Variants in KLF14 observed in about 807,000 individuals in gnomAD.
KLF14 encodes Krueppel-like factor 14.
A neutral mutation model predicts 16.2 loss-of-function variants in KLF14; 13 were observed. The ratio of observed to expected loss-of-function variants is 0.80; its 90% CI spans 0.52 to 1.28. The LOEUF is 1.28. KLF14 is among the 50% of genes most tolerant of loss of function. KLF14 has a pLI of 0.00. For synonymous variants in KLF14, 276 were observed against 233.7 expected (o/e 1.18, Z -1.65); for missense variants, 571 against 493.4 (o/e 1.16, Z -1.49).
At position 130,732,662 on chromosome 7, in the gene KLF14, A is replaced by G. The variant is rs1234441767; in HGVS notation, c.*400T>C. The G allele has an allele frequency of 5.6e-6, 1 of 178,812 alleles. No individual in the cohort carries two copies. The highest frequency in any genetic ancestry group is 1.2e-5 in the Non-Finnish European group (1 of 85,442). 11.1% of individuals were successfully genotyped at this position (178,812 alleles called of 1,614,324 possible). ...GACTGCCACCCCTGACACCCTCTCC[A>G]AGGTCCGCCCTGGTGGATGGGTGAG... is the stretch of plus-strand genomic sequence containing the variant. On this transcript the variant is annotated 3_prime_UTR_variant, in exon 1 of 1. Transcript: ENST00000583337.
rs782350100 is a variant in KLF14, at chr7:130,733,897, G to A, written c.137C>T (p.Ala46Val). The change falls in exon 1 of 1, where the codon GCG becomes GTG. Residue 46 changes from alanine (A) to valine (V), a missense_variant. By Grantham distance (64) the Ala-to-Val change is moderately conservative (BLOSUM62 0). Transcript: ENST00000583337. The surrounding 1 kb of genome is among the most constrained non-coding windows in gnomAD (Gnocchi z 5.2). The stretch of plus-strand genomic sequence containing the variant: ...ACCCGGCAGAGCGGACTCCGGCGGC[G>A]CCGCACCCACCTCCGAGCCAGCGGC... ...GGAAGSEVGA[A>V]PPESALPGPG... The A allele has an allele frequency of 3.7e-6, 5 of 1,343,036 alleles. 1 individual carries two copies. The highest frequency in any genetic ancestry group is 4.8e-6 in the Non-Finnish European group (5 of 1,049,426). The allele number at this position is 1,343,036 out of a possible 1,614,324, so 83.2% of individuals were successfully genotyped here.
Position 130,732,921 on chromosome 7 carries a change from T to C in KLF14, c.*141A>G. 1.8e-6 allele frequency: 2 copies of C among 1,096,656 alleles called. 1 individual carries two copies. Among genetic ancestry groups the C allele is most frequent in the South Asian group, 3.4e-5 (2 of 58,852 alleles). 67.9% of individuals were successfully genotyped at this position (1,096,656 alleles called of 1,614,324 possible). ...AGTACCTCCCCAGAGTCCACATGTC[T>C]GCCTGGACCCACCCTCAGAGCAGAG... On this transcript the variant is annotated 3_prime_UTR_variant, in exon 1 of 1. Coordinates refer to ENST00000583337, the MANE Select transcript of KLF14 (RefSeq NM_138693.4).
At position 130,734,097 on chromosome 7, in the gene KLF14, C is replaced by G; in HGVS notation, c.-64G>C. On this transcript the variant is annotated 5_prime_UTR_variant, in exon 1 of 1. Coordinates refer to ENST00000583337, the MANE Select transcript of KLF14 (RefSeq NM_138693.4). The surrounding 1 kb of genome is among the most constrained non-coding windows in gnomAD (Gnocchi z 4.4). ...GCGGCCGGCCGCGGGCGACGGAGTT[C>G]CCGGGAGCGTCCGTCCCGCAGCCTC... is the stretch of plus-strand genomic sequence containing the variant. The G allele has an allele frequency of 2.0e-6, 2 of 1,009,456 alleles. No homozygotes were observed. Among genetic ancestry groups the G allele is most frequent in the Non-Finnish European group, 2.5e-6 (2 of 808,880 alleles). 62.5% of individuals were successfully genotyped at this position (1,009,456 alleles called of 1,614,324 possible).
In KLF14 at chr7:130,734,164, T is replaced by TGCTGCC. The variant is rs1797261707; in HGVS notation, c.-137_-132dup. 1 of 385,212 alleles carries TGCTGCC rather than the reference T, an allele frequency of 2.6e-6. No homozygotes were observed. Among genetic ancestry groups the TGCTGCC allele is most frequent in the Non-Finnish European group, 3.6e-6 (1 of 275,016 alleles). The allele number at this position is 385,212 out of a possible 1,614,324, so 23.9% of individuals were successfully genotyped here. ...GGCCGGGTGCTCGCCGCCTGCCGCCTGCTGCCGCCGCCGCCGCCGCAGCCG... is the reference window on the plus strand; with the variant it reads ...GGCCGGGTGCTCGCCGCCTGCCGCCTGCTGCCGCTGCCGCCGCCGCCGCCGCAGCCG... On this transcript the variant is annotated 5_prime_UTR_variant, in exon 1 of 1. Coordinates refer to ENST00000583337, the MANE Select transcript of KLF14 (RefSeq NM_138693.4). This position sits in a 1 kb window ranked among gnomAD's most constrained non-coding sequence, Gnocchi z 4.4.
chr7:130,733,260 G>C lies in KLF14; in HGVS notation c.774C>G (p.Pro258=), dbSNP rs781988505. 4 of 1,613,316 alleles carry C rather than the reference G, an allele frequency of 2.5e-6. No individual in the cohort carries two copies. Among genetic ancestry groups the C allele is most frequent in the Non-Finnish European group, 3.4e-6 (4 of 1,179,688 alleles). Reference sequence around the variant, plus strand: ...TCCGGGAGAACTGCTTGGGGCAGAGGGGGCAGGAGAAGCGCTTCTCGCCCG... The same window carrying C: ...TCCGGGAGAACTGCTTGGGGCAGAGCGGGCAGGAGAAGCGCTTCTCGCCCG... ...THTGEKRFSC[P]LCPKQFSRSD... Residue 258 remains proline (P), a synonymous_variant, in exon 1 of 1, where the codon CCC becomes CCG. Coordinates refer to ENST00000583337, the MANE Select transcript of KLF14 (RefSeq NM_138693.4). This position sits in a 1 kb window ranked among gnomAD's most constrained non-coding sequence, Gnocchi z 5.2.
In KLF14 at chr7:130,734,099, C is replaced by T. The variant is rs1392840791; in HGVS notation, c.-66G>A. On this transcript the variant is annotated 5_prime_UTR_variant, in exon 1 of 1. Coordinates refer to ENST00000583337, the MANE Select transcript of KLF14 (RefSeq NM_138693.4). This position sits in a 1 kb window ranked among gnomAD's most constrained non-coding sequence, Gnocchi z 4.4. Reference sequence around the variant, plus strand: ...GGCCGGCCGCGGGCGACGGAGTTCCCGGGAGCGTCCGTCCCGCAGCCTCGG... The same window carrying T: ...GGCCGGCCGCGGGCGACGGAGTTCCTGGGAGCGTCCGTCCCGCAGCCTCGG... The T allele has an allele frequency of 2.0e-6, 2 of 980,266 alleles. No homozygotes were observed. The highest frequency in any genetic ancestry group is 1.7e-5 in the African/African-American group (1 of 57,264). The allele number at this position is 980,266 out of a possible 1,614,324, so 60.7% of individuals were successfully genotyped here.
Position 130,733,852 on chromosome 7 carries a change from G to A in KLF14, c.182C>T (p.Ala61Val), listed in dbSNP as rs1554471125. 1 of 1,348,426 alleles carries A rather than the reference G, an allele frequency of 7.4e-7. No homozygotes were observed. Among genetic ancestry groups the A allele is most frequent in the Non-Finnish European group, 9.4e-7 (1 of 1,060,272 alleles). The allele number at this position is 1,348,426 out of a possible 1,614,324, so 83.5% of individuals were successfully genotyped here. A position where few individuals can be genotyped will look rare whatever the true frequency, so the allele number is the denominator to read the frequency against. ...GACCTGCGGGAGCTGGGGGACCGAC[G>A]CGGGCCCCGGTGGCCCCGGACCCGG... ...ALPGPGPPGPASVPQLPQVPA... is the reference protein window; with the variant it reads ...ALPGPGPPGPVSVPQLPQVPA... Residue 61 changes from alanine to valine, a missense_variant, in exon 1 of 1, where the codon GCG becomes GTG. Coordinates refer to ENST00000583337, the MANE Select transcript of KLF14 (RefSeq NM_138693.4). This position sits in a 1 kb window ranked among gnomAD's most constrained non-coding sequence, Gnocchi z 5.2.
rs868978505 is a variant in KLF14 at position 130,732,151 on chromosome 7, T to C, written c.*911A>G. The C allele has an allele frequency of 6.6e-6, 1 of 152,282 alleles. No individual in the cohort carries two copies. The highest frequency in any genetic ancestry group is 2.4e-5 in the African/African-American group (1 of 41,454). 9.4% of individuals were successfully genotyped at this position (152,282 alleles called of 1,614,324 possible). Reference sequence around the variant, plus strand: ...TTTCCCTGAAAGTTATCAATGGTTATGAGCGGTCTTGTTTCGGGCCCCGCC... The same window carrying C: ...TTTCCCTGAAAGTTATCAATGGTTACGAGCGGTCTTGTTTCGGGCCCCGCC... On this transcript the variant is annotated 3_prime_UTR_variant, in exon 1 of 1. Transcript: ENST00000583337.
At position 130,732,419 on chromosome 7, in the gene KLF14, A is replaced by G. The variant is rs1797203714; in HGVS notation, c.*643T>C. On this transcript the variant is annotated 3_prime_UTR_variant, in exon 1 of 1. Transcript: ENST00000583337. ...CAGACTCACACCCCAGACATCAAGA[A>G]GTATCTCCCAGCCACACATCTACAT... The G allele has an allele frequency of 6.6e-6, 1 of 152,294 alleles. No homozygotes were observed. Among genetic ancestry groups the G allele is most frequent in the African/African-American group, 2.4e-5 (1 of 41,448 alleles). The allele number at this position is 152,294 out of a possible 1,614,324, so 9.4% of individuals were successfully genotyped here. A position where few individuals can be genotyped will look rare whatever the true frequency, so the allele number is the denominator to read the frequency against.
chr7:130,733,960 AC>A lies in KLF14; in HGVS notation c.73del (p.Val25PhefsTer147). 7.3e-7 allele frequency: 1 copy of A among 1,371,406 alleles called. No homozygotes were observed. The highest frequency in any genetic ancestry group is 9.5e-7 in the Non-Finnish European group (1 of 1,058,078). 85.0% of individuals were successfully genotyped at this position (1,371,406 alleles called of 1,614,324 possible). A position where few individuals can be genotyped will look rare whatever the true frequency, so the allele number is the denominator to read the frequency against. On this transcript the variant is annotated frameshift_variant, in exon 1 of 1. Transcript: ENST00000583337. LOFTEE classifies it high-confidence loss of function. The surrounding 1 kb of genome is among the most constrained non-coding windows in gnomAD (Gnocchi z 5.2). Reference protein sequence around the residue: ...CLVSMSAGAVVHRRPPDPEGA... With the variant: ...CLVSMSAGAVXHRRPPDPEGA... Reference sequence around the variant, plus strand: ...CTCGGGGTCCGGCGGGCGGCGGTGAACCACGGCGCCCGCGGACATGGACACC... The same window carrying A: ...CTCGGGGTCCGGCGGGCGGCGGTGAACACGGCGCCCGCGGACATGGACACC...
At position 130,733,703 on chromosome 7, in the gene KLF14, A is replaced by G; in HGVS notation, c.331T>C (p.Ser111Pro). 6.4e-7 allele frequency: 1 copy of G among 1,567,542 alleles called. No individual in the cohort carries two copies. The highest frequency in any genetic ancestry group is 1.2e-5 in the South Asian group (1 of 85,952). ...WENSGEAPRA[S>P]SGFSDPIPCS... ...GGGATCGGGTCGGAGAAGCCGGACG[A>G]GGCGCGTGGAGCTTCCCCCGAGTTC... The change falls in exon 1 of 1, where the codon TCG (serine) becomes CCG (proline). Residue 111 changes from serine to proline, a missense_variant. Physicochemically the swap from Ser to Pro is moderately conservative, Grantham distance 74. Coordinates refer to ENST00000583337, the MANE Select transcript of KLF14 (RefSeq NM_138693.4). The surrounding 1 kb of genome is among the most constrained non-coding windows in gnomAD (Gnocchi z 5.2).
chr7:130,731,008 C>T lies in KLF14; in HGVS notation c.*2054G>A, dbSNP rs1326702692. Among the ~76,000 whole-genome samples the T allele has an allele frequency of 1.3e-5, 2 of 152,226 alleles. No individual in the cohort carries two copies. Among genetic ancestry groups the T allele is most frequent in the African/African-American group, 4.8e-5 (2 of 41,460 alleles). ...ATGTAACTCAACAGCCCCACCTTCC[C>T]TGCTTAGCCTTCATTAGGAAATACT... On this transcript the variant is annotated 3_prime_UTR_variant, in exon 1 of 1. Coordinates refer to ENST00000583337, the MANE Select transcript of KLF14 (RefSeq NM_138693.4).
Position 130,733,224 on chromosome 7 carries a change from C to T in KLF14, c.810G>A (p.Leu270=), listed in dbSNP as rs1797223627. Residue 270 remains leucine, a synonymous_variant, in exon 1 of 1, where the codon CTG becomes CTA. Coordinates refer to ENST00000583337, the MANE Select transcript of KLF14 (RefSeq NM_138693.4). The surrounding 1 kb of genome is among the most constrained non-coding windows in gnomAD (Gnocchi z 5.2). ...CPKQFSRSDH[L]TKHARRHPTY... is the part of the protein sequence containing the mutation. Reference sequence around the variant, plus strand: ...TTGGGTGGCGGCGAGCATGCTTGGTCAGGTGGTCGCTCCGGGAGAACTGCT... The same window carrying T: ...TTGGGTGGCGGCGAGCATGCTTGGTTAGGTGGTCGCTCCGGGAGAACTGCT... 1 of 1,609,332 alleles carries T rather than the reference C, an allele frequency of 6.2e-7. No homozygotes were observed. The highest frequency in any genetic ancestry group is 8.5e-7 in the Non-Finnish European group (1 of 1,177,924).
rs1554471096 is a variant in KLF14 at position 130,733,814 on chromosome 7, G to T, written c.220C>A (p.Pro74Thr). ...TGGGGCGCGGCGCCGCCCGCGCCGG[G>T]GCTGGGGGCGGGGACCTGCGGGAGC... is the stretch of plus-strand genomic sequence containing the variant. The part of the protein sequence containing the change: ...PQLPQVPAPS[P>T]GAGGAAPHLL... The change falls in exon 1 of 1, where the codon CCC (proline) becomes ACC (threonine). Residue 74 changes from proline to threonine, a missense_variant. Physicochemically the swap from Pro to Thr is conservative, Grantham distance 38. Coordinates refer to ENST00000583337, the MANE Select transcript of KLF14 (RefSeq NM_138693.4). The surrounding 1 kb of genome is among the most constrained non-coding windows in gnomAD (Gnocchi z 5.2). 3.5e-6 allele frequency: 5 copies of T among 1,440,514 alleles called. No individual in the cohort carries two copies. Among genetic ancestry groups the T allele is most frequent in the Non-Finnish European group, 4.5e-6 (5 of 1,104,998 alleles). The allele number at this position is 1,440,514 out of a possible 1,614,324, so 89.2% of individuals were successfully genotyped here.
rs782452343 is a variant in KLF14, at chr7:130,733,317, G to C, written c.717C>G (p.Ser239=). The C allele has an allele frequency of 6.2e-6, 10 of 1,608,822 alleles. No individual in the cohort carries two copies. Among genetic ancestry groups the C allele is most frequent in the Non-Finnish European group, 8.5e-6 (10 of 1,178,106 alleles). The part of the protein sequence containing the change: ...WLDCDKKFTR[S]DELARHYRTH... Reference sequence around the variant, plus strand: ...TCCTGTAGTGGCGGGCCAGCTCGTCGGAACGCGTAAACTTCTTGTCGCAGT... The same window carrying C: ...TCCTGTAGTGGCGGGCCAGCTCGTCCGAACGCGTAAACTTCTTGTCGCAGT... The change falls in exon 1 of 1, where the codon TCC becomes TCG. Residue 239 remains serine, a synonymous_variant. Transcript: ENST00000583337. The surrounding 1 kb of genome is among the most constrained non-coding windows in gnomAD (Gnocchi z 5.2).
Position 130,733,593 on chromosome 7 carries a change from C to A in KLF14, c.441G>T (p.Ala147=). 6.5e-7 allele frequency: 1 copy of A among 1,546,746 alleles called. No homozygotes were observed. The highest frequency in any genetic ancestry group is 8.7e-7 in the Non-Finnish European group (1 of 1,147,084). ...AVCAPESSSD[A]PAVPSAPAAP... ...CAGCAGGCGCGCTTGGGACGGCGGG[C>A]GCATCGGAGGAGCTCTCGGGAGCGC... is the stretch of plus-strand genomic sequence containing the variant. The change falls in exon 1 of 1, where the codon GCG becomes GCT. Residue 147 remains alanine, a synonymous_variant. Coordinates refer to ENST00000583337, the MANE Select transcript of KLF14 (RefSeq NM_138693.4). The surrounding 1 kb of genome is among the most constrained non-coding windows in gnomAD (Gnocchi z 5.2).
In KLF14 at chr7:130,731,299, G is replaced by C. The variant is rs1797184008; in HGVS notation, c.*1763C>G. ...GGTGTGAAGGGAGGGAACGTAACCA[G>C]TTAAGAAAAGGGCTTTTGGGTCAAA... On this transcript the variant is annotated 3_prime_UTR_variant, in exon 1 of 1. Coordinates refer to ENST00000583337, the MANE Select transcript of KLF14 (RefSeq NM_138693.4). The C allele has an allele frequency of 6.6e-6, 1 of 152,290 alleles. No individual in the cohort carries two copies. The highest frequency in any genetic ancestry group is 6.5e-5 in the Admixed American group (1 of 15,282). 9.4% of individuals were successfully genotyped at this position (152,290 alleles called of 1,614,324 possible).
rs1420538954 is a variant in KLF14 at position 130,731,258 on chromosome 7, C to T, written c.*1804G>A. 6.6e-6 allele frequency: 1 copy of T among 152,218 alleles called. No individual in the cohort carries two copies. The highest frequency in any genetic ancestry group is 1.9e-4 in the East Asian group (1 of 5,198). The allele number at this position is 152,218 out of a possible 1,614,324, so 9.4% of individuals were successfully genotyped here. ...TCCTAGGATGCCAAAAAGTCATTCTCACTTTATGTCCACATGGTGTGAAGG... is the reference window on the plus strand; with the variant it reads ...TCCTAGGATGCCAAAAAGTCATTCTTACTTTATGTCCACATGGTGTGAAGG... On this transcript the variant is annotated 3_prime_UTR_variant, in exon 1 of 1. Coordinates refer to ENST00000583337, the MANE Select transcript of KLF14 (RefSeq NM_138693.4).
rs782015781 is a variant in KLF14, at chr7:130,733,404, C to T, written c.630G>A (p.Ser210=). ...PGCTKAYYKS[S]HLKSHQRTHT... ...GGGTGCGCTGGTGGGACTTGAGGTGCGACGACTTGTAATAGGCTTTGGTGC... is the reference window on the plus strand; with the variant it reads ...GGGTGCGCTGGTGGGACTTGAGGTGTGACGACTTGTAATAGGCTTTGGTGC... Residue 210 remains serine (S), a synonymous_variant, in exon 1 of 1, where the codon TCG becomes TCA. Coordinates refer to ENST00000583337, the MANE Select transcript of KLF14 (RefSeq NM_138693.4). This position sits in a 1 kb window ranked among gnomAD's most constrained non-coding sequence, Gnocchi z 5.2. The T allele has an allele frequency of 1.8e-5, 29 of 1,613,990 alleles. No individual in the cohort carries two copies. The East Asian group carries it at 5.8e-4, about 32-fold the overall frequency.
Sources: allele counts gnomAD v4.1 joint callset (sites outside exome capture counted in the v4.1 genomes callset), GRCh38; gene constraint gnomAD v4.1.1; non-coding constraint Gnocchi (gnomAD v3.1); transcripts MANE v1.5; gene names NCBI Gene and HGNC (gene_info 2026-07-23, HGNC 2026-07-21).